Variants in MYO5B observed in about 807,000 individuals in gnomAD.
The protein encoded by MYO5B is unconventional myosin-Vb.
MYO5B carries 143 observed loss-of-function variants against 229.3 expected under a neutral mutation model. That is an observed-to-expected ratio of 0.62 (90% CI 0.54 to 0.72). The LOEUF is 0.72. Among genes scored for constraint, MYO5B ranks in the 30% least tolerant of loss-of-function variants. The pLI, the probability that MYO5B is intolerant of heterozygous loss-of-function variation, is 0.00. For missense variants in MYO5B, 2,321 were observed against 2,331.0 expected (o/e 1.00, Z 0.09); for synonymous variants, 918 against 885.2 (o/e 1.04, Z -0.66).
chr18:49,889,349 C>A (rs2024682584), intron 22 of MYO5B, among the ~76,000 whole-genome samples: 1 of 152,198 alleles, frequency 6.6e-6, no homozygotes, highest in African/African-American at 2.4e-5. Context: ...TTTCACTTTT[C>A]TAGACATACA....
At chr18:49,907,725 A>G (rs894116873) in intron 18 of MYO5B, among the ~76,000 whole-genome samples, 3 of 152,282 alleles carry the variant, frequency 2.0e-5, no homozygotes, top group Non-Finnish European at 4.4e-5. Context: ...TTCCACACAC[A>G]GGGAAGGCTG....
At chr18:50,022,072 G>T (rs1024467794) in intron 4 of MYO5B, among the ~76,000 whole-genome samples, 7 of 152,068 alleles carry the variant, frequency 4.6e-5, no homozygotes, top group Non-Finnish European at 1.0e-4. Flanking sequence ...TTTCACCCCA[G>T]GAGTGTCTCT....
Position 49,895,020 on chromosome 18 carries a change from C to A in MYO5B, c.2966G>T (p.Arg989Leu), listed in dbSNP as rs747276755. Residue 989 changes from arginine (R) to leucine (L), a missense_variant, in exon 22 of 40, where the codon CGC becomes CTC. Transcript: ENST00000285039. The part of the protein sequence containing the change: ...LRLQEEVESL[R>L]TELQRAHSER... ...CGAGTGGGCCCTCTGCAGCTCTGTG[C>A]GCAGGCTCTCCACCTCCTCCTGCAG... 1 of 1,613,936 alleles carries A rather than the reference C, an allele frequency of 6.2e-7. No homozygotes were observed. The highest frequency in any genetic ancestry group is 1.7e-5 in the Admixed American group (1 of 60,034).
intron 27 of MYO5B, among the ~76,000 whole-genome samples, chr18:49,866,427 A>G (rs899996251): frequency 6.6e-6 from 1 of 152,094 alleles, no homozygotes; most frequent in African/African-American, 2.4e-5. Flanking sequence ...TATGTTGTGC[A>G]ACCATCCCCA....
intron 1 of MYO5B, among the ~76,000 whole-genome samples, chr18:50,070,509 T>C (rs2030931321): frequency 1.3e-5 from 2 of 151,970 alleles, no homozygotes; most frequent in South Asian, 4.2e-4. Context: ...CCTACTGGCA[T>C]CTAGTAGGTA....
rs2023791534 is a variant in MYO5B, at chr18:49,823,148, T to C, written c.*3323A>G. 6.6e-6 allele frequency: 1 copy of C among 152,282 alleles called. No homozygotes were observed. Among genetic ancestry groups the C allele is most frequent in the Non-Finnish European group, 1.5e-5 (1 of 68,054 alleles). 9.4% of individuals were successfully genotyped at this position (152,282 alleles called of 1,614,324 possible). On this transcript the variant is annotated 3_prime_UTR_variant, in exon 40 of 40. Coordinates refer to ENST00000285039, the MANE Select transcript of MYO5B (RefSeq NM_001080467.3). The stretch of plus-strand genomic sequence containing the variant: ...GAATTAGAAATTTTTTGAAAAACAA[T>C]CTTTTGTATCTAATGACCTTTATAA...
Position 50,005,260 on chromosome 18 carries a change from G to A in MYO5B, c.456-3849C>T, listed in dbSNP as rs554829027. 2.6e-5 allele frequency among the ~76,000 whole-genome samples: 4 copies of A among 152,278 alleles called. No individual in the cohort carries two copies. The South Asian group carries it at 8.3e-4, about 32-fold the overall frequency. ...TGCTAAAACCCTTGATAAGTATGGG[G>A]TTTTGTGAAAAGGACACTGGGGTTG... is the stretch of plus-strand genomic sequence containing the variant. On this transcript the variant is annotated intron_variant, in intron 4 of 39. Coordinates refer to ENST00000285039, the MANE Select transcript of MYO5B (RefSeq NM_001080467.3).
chr18:49,966,349 G>A (rs1355523842), intron 10 of MYO5B, among the ~76,000 whole-genome samples: 1 of 152,146 alleles, frequency 6.6e-6, no homozygotes, highest in African/African-American at 2.4e-5. Flanking sequence ...AGTGTATGCT[G>A]GGATGAAGGA....
At chr18:50,139,139 G>A (rs150033569) in intron 1 of MYO5B, among the ~76,000 whole-genome samples, 17 of 152,336 alleles carry the variant, frequency 1.1e-4, no homozygotes, top group African/African-American at 1.2e-4. Flanking sequence ...ACAGGCCTTC[G>A]AAATGCCTGT....
intron 1 of MYO5B, among the ~76,000 whole-genome samples, chr18:50,082,953 C>T (rs1028615257): frequency 5.3e-5 from 8 of 152,106 alleles, no homozygotes; most frequent in Non-Finnish European, 5.9e-5. Flanking sequence ...ACCTGGAGAC[C>T]CCACAGATTA....
chr18:50,179,092 A>G (rs1259720779), intron 1 of MYO5B, among the ~76,000 whole-genome samples: 3 of 152,226 alleles, frequency 2.0e-5, no homozygotes, highest in African/African-American at 7.2e-5. Flanking sequence ...TAGGGCCGAT[A>G]GCCCAGCATT....
chr18:50,052,541 T>A (rs2030423011), intron 2 of MYO5B, among the ~76,000 whole-genome samples: 1 of 113,364 alleles, frequency 8.8e-6, no homozygotes, highest in African/African-American at 3.6e-5. Flanking sequence ...AACATCACAC[T>A]CTGGGGACTG....
intron 17 of MYO5B, among the ~76,000 whole-genome samples, chr18:49,917,071 G>C (rs1363338945): frequency 6.6e-6 from 1 of 152,164 alleles, no homozygotes; most frequent in South Asian, 2.1e-4. Context: ...TGCCATGACG[G>C]AATCTCCCCC....
intron 22 of MYO5B, among the ~76,000 whole-genome samples, chr18:49,887,794 C>A (rs1164471397): frequency 6.6e-6 from 1 of 152,156 alleles, no homozygotes; most frequent in Non-Finnish European, 1.5e-5. Context: ...AATTCTCCTG[C>A]CTCAGCCTCC....
chr18:50,074,859 C>T (rs929404105), intron 1 of MYO5B, among the ~76,000 whole-genome samples: 7 of 152,162 alleles, frequency 4.6e-5, no homozygotes, highest in South Asian at 2.1e-4. Context: ...CTCACTCTGT[C>T]GCCCGGGCTG....
At chr18:50,183,122 C>T (rs2033096145) in intron 1 of MYO5B, among the ~76,000 whole-genome samples, 1 of 151,834 alleles carries the variant, frequency 6.6e-6, no homozygotes, top group Admixed American at 6.6e-5. Context: ...CTATTTTCAG[C>T]AGAACCACCT....
intron 12 of MYO5B, 79 bp from the exon 13 acceptor site, chr18:49,954,514 C>T: frequency 6.3e-7 from 1 of 1,583,956 alleles, no homozygotes; most frequent in Non-Finnish European, 8.7e-7. Context: ...GGGATGGGAC[C>T]AGTAGGCTGG....
intron 12 of MYO5B, among the ~76,000 whole-genome samples, chr18:49,956,686 ACTT>A (rs1473440687): frequency 6.6e-6 from 1 of 152,186 alleles, no homozygotes; most frequent in South Asian, 2.1e-4. Flanking sequence ...AGCTATATGA[ACTT>A]CTTTCTGCTC....
intron 17 of MYO5B, among the ~76,000 whole-genome samples, chr18:49,928,975 G>C (rs979986167): frequency 1.3e-5 from 2 of 152,116 alleles, no homozygotes; most frequent in Non-Finnish European, 1.5e-5. Flanking sequence ...GGGAAAGGGG[G>C]GTGATGGTGA....
Sources: allele counts gnomAD v4.1 joint callset (sites outside exome capture counted in the v4.1 genomes callset), GRCh38; gene constraint gnomAD v4.1.1; transcripts MANE v1.5; gene names NCBI Gene and HGNC (gene_info 2026-07-23, HGNC 2026-07-21).